The following STARD9 variants were observed in gnomAD, a reference collection of about 807,000 sequenced individuals.
STARD9 encodes the protein stAR-related lipid transfer protein 9.
In STARD9, 346 loss-of-function variants were observed where a neutral mutation model predicts 399.8. That is an observed-to-expected ratio of 0.87 (90% CI 0.79 to 0.95). The LOEUF (loss-of-function observed/expected upper bound fraction) is 0.95, where lower values mean the gene tolerates loss of function less well. Among genes scored for constraint, STARD9 ranks in the 40% least tolerant of loss-of-function variants. The pLI is 0.00. For synonymous variants in STARD9, 2,203 were observed against 2,143.5 expected, an observed-to-expected ratio of 1.03 and a Z score of -0.77; for missense variants, 5,832 against 5,667.5, an observed-to-expected ratio of 1.03 and a Z score of -0.93.
At chr15:42,662,432 C>G (rs972540390) in intron 10 of STARD9, among the ~76,000 whole-genome samples, 2 of 152,060 alleles carry the variant, frequency 1.3e-5, no homozygotes, top group Non-Finnish European at 2.9e-5. Flanking sequence ...TGTCAGCTAA[C>G]GGCACAAATA....
chr15:42,578,106 A>ATTTTTTTTTTTTTTTT (rs57016102), intron 1 of STARD9, among the ~76,000 whole-genome samples: 2 of 134,126 alleles, frequency 1.5e-5, no homozygotes, highest in Non-Finnish European at 1.7e-5. Context: ...TTGACGCTCA[A>ATTTTTTTTTTTTTTTT]TTTTTTTTTT....
chr15:42,674,461 A>G lies in STARD9; in HGVS notation c.1519A>G (p.Arg507Gly). 2.0e-6 allele frequency: 3 copies of G among 1,537,180 alleles called. No homozygotes were observed. Among genetic ancestry groups the G allele is most frequent in the Non-Finnish European group, 2.6e-6 (3 of 1,146,830 alleles). The change falls in exon 17 of 33, where the codon AGG becomes GGG. Residue 507 changes from arginine to glycine, a missense_variant. Coordinates refer to ENST00000290607, the MANE Select transcript of STARD9 (RefSeq NM_020759.3). Reference sequence around the variant, plus strand: ...TTAGGAAGGGACAACAAAAATAGGAAGGATTGACTCAGACCAGGAACAGGA... The same window carrying G: ...TTAGGAAGGGACAACAAAAATAGGAGGGATTGACTCAGACCAGGAACAGGA... ...HLKEGTTKIGRIDSDQEQDIV... is the reference protein window; with the variant it reads ...HLKEGTTKIGGIDSDQEQDIV...
chr15:42,714,287 C>T lies in STARD9; in HGVS notation c.13285-2390C>T, dbSNP rs142987541. ...TTCACCATGTTAGCCAGGATGGTCT[C>T]GATCTCCTGACCTCGTGATCCACCC... On this transcript the variant is annotated intron_variant, in intron 26 of 32. Coordinates refer to ENST00000290607, the MANE Select transcript of STARD9 (RefSeq NM_020759.3). Among the ~76,000 whole-genome samples the T allele has an allele frequency of 3.3e-3, 500 of 152,002 alleles. 15 individuals are homozygous for T. In the East Asian group the frequency reaches 0.076, roughly 23 times the overall value.
chr15:42,712,111 A>ATATT (rs55808206), intron 26 of STARD9, among the ~76,000 whole-genome samples: 1 of 3,180 alleles, frequency 3.1e-4, no homozygotes, highest in African/African-American at 1.9e-3. Flanking sequence ...TATAATATAT[A>ATATT]ATATATAATA....
chr15:42,661,796 G>C (rs1293139628), intron 10 of STARD9, among the ~76,000 whole-genome samples: 1 of 151,978 alleles, frequency 6.6e-6, no homozygotes, highest in Non-Finnish European at 1.5e-5. Flanking sequence ...CTACATCTCA[G>C]ATCAATCAGA....
Position 42,695,196 on chromosome 15 carries a change from T to C in STARD9, c.13019T>C (p.Leu4340Pro). The C allele has an allele frequency of 2.0e-6, 3 of 1,537,178 alleles. No individual in the cohort carries two copies. Among genetic ancestry groups the C allele is most frequent in the Non-Finnish European group, 1.7e-6 (2 of 1,146,878 alleles). The change falls in exon 25 of 33, where the codon CTG (leucine) becomes CCG (proline). Residue 4340 changes from leucine to proline, a missense_variant. Physicochemically the swap from Leu to Pro is moderately conservative, Grantham distance 98 (BLOSUM62 -3). Transcript: ENST00000290607. ...ACACCCTCTGACATAGAGTTGATGCTGCAAGACTACCAGCAGGCCCATGAG... is the reference window on the plus strand; with the variant it reads ...ACACCCTCTGACATAGAGTTGATGCCGCAAGACTACCAGCAGGCCCATGAG... ...AHTPSDIELM[L>P]QDYQQAHEEA... is the part of the protein sequence containing the mutation.
chr15:42,619,599 C>T (rs948441409), intron 3 of STARD9, among the ~76,000 whole-genome samples: 11 of 151,908 alleles, frequency 7.2e-5, no homozygotes, highest in Non-Finnish European at 1.0e-4. Context: ...CTAGAACCCT[C>T]GCAGGCACCT....
At chr15:42,634,623 G>C (rs757782464) in intron 3 of STARD9, among the ~76,000 whole-genome samples, 3 of 152,122 alleles carry the variant, frequency 2.0e-5, no homozygotes, top group Non-Finnish European at 4.4e-5. Flanking sequence ...CTTATCTTCA[G>C]AGTCTAGTAT....
intron 7 of STARD9, among the ~76,000 whole-genome samples, chr15:42,639,798 A>C (rs1474308127): frequency 6.6e-6 from 1 of 151,752 alleles, no homozygotes; most frequent in Non-Finnish European, 1.5e-5. Flanking sequence ...TGGGAGGCAG[A>C]GGTTGCAATG....
At chr15:42,713,339 A>C (rs2061285912) in intron 26 of STARD9, among the ~76,000 whole-genome samples, 1 of 152,154 alleles carries the variant, frequency 6.6e-6, no homozygotes, top group Non-Finnish European at 1.5e-5. Context: ...TTTAAAATAG[A>C]TTCCTTAAGA....
chr15:42,713,028 T>A (rs2061278511), intron 26 of STARD9, among the ~76,000 whole-genome samples: 1 of 152,202 alleles, frequency 6.6e-6, no homozygotes, highest in Non-Finnish European at 1.5e-5. Flanking sequence ...GATGGGTAGA[T>A]CAATTGGGGG....
At chr15:42,632,916 G>C (rs770792076) in intron 3 of STARD9, among the ~76,000 whole-genome samples, 1 of 152,144 alleles carries the variant, frequency 6.6e-6, no homozygotes, top group African/African-American at 2.4e-5. Flanking sequence ...GCTGAAGTAC[G>C]TGGATCACTT....
intron 3 of STARD9, among the ~76,000 whole-genome samples, 169 bp downstream of exon 3, chr15:42,585,806 AAAG>A (rs1177595174): frequency 6.6e-6 from 1 of 152,254 alleles, no homozygotes; most frequent in Non-Finnish European, 1.5e-5. Flanking sequence ...AGATTTTCAA[AAAG>A]AAGAAACTTC....
intron 3 of STARD9, among the ~76,000 whole-genome samples, chr15:42,624,245 A>G (rs1458333813): frequency 6.6e-6 from 1 of 152,172 alleles, no homozygotes; most frequent in African/African-American, 2.4e-5. Flanking sequence ...TGCTATATAC[A>G]TTGGGAAATT....
intron 3 of STARD9, among the ~76,000 whole-genome samples, chr15:42,608,490 C>T (rs1246662229): frequency 6.6e-6 from 1 of 152,164 alleles, no homozygotes; most frequent in Non-Finnish European, 1.5e-5. Flanking sequence ...TCTAGAGACC[C>T]ATTTAGACTA....
In STARD9 at chr15:42,681,483, C is replaced by T. The variant is rs2060426511; in HGVS notation, c.1936C>T (p.His646Tyr). 1.3e-6 allele frequency: 2 copies of T among 1,537,050 alleles called. No individual in the cohort carries two copies. The highest frequency in any genetic ancestry group is 2.4e-5 in the East Asian group (1 of 40,922). Reference protein sequence around the residue: ...HQTPRDGETSHRAQIQQQQSY... With the variant: ...HQTPRDGETSYRAQIQQQQSY... The stretch of plus-strand genomic sequence containing the variant: ...GACACCGAGGGATGGAGAGACATCC[C>T]ACAGGGCCCAGATTCAGCAGCAGCA... Residue 646 changes from histidine to tyrosine, a missense_variant, in exon 21 of 33, where the codon CAC becomes TAC. Physicochemically the swap from His to Tyr is moderately conservative, Grantham distance 83. Transcript: ENST00000290607.
At chr15:42,579,032 A>G (rs575357030) in intron 1 of STARD9, among the ~76,000 whole-genome samples, 17 of 152,294 alleles carry the variant, frequency 1.1e-4, no homozygotes, top group African/African-American at 3.8e-4. Flanking sequence ...CCAACCAGAA[A>G]TTCCCAGGAC....
intron 3 of STARD9, among the ~76,000 whole-genome samples, chr15:42,612,903 GA>G (rs1475816902): frequency 1.3e-5 from 2 of 149,594 alleles, no homozygotes; most frequent in Non-Finnish European, 3.0e-5. Flanking sequence ...AGAATTGCTT[GA>G]ACCTGGGAGG....
chr15:42,663,935 G>C lies in STARD9; in HGVS notation c.1176+18G>C. 1 of 1,460,828 alleles carries C rather than the reference G, an allele frequency of 6.8e-7. No individual in the cohort carries two copies. Among genetic ancestry groups the C allele is most frequent in the Non-Finnish European group, 9.3e-7 (1 of 1,077,418 alleles). 90.5% of individuals were successfully genotyped at this position (1,460,828 alleles called of 1,614,324 possible). A position where few individuals can be genotyped will look rare whatever the true frequency, so the allele number is the denominator to read the frequency against. ...TAAATGAGGTGAGACCTTTTCAGAA[G>C]TCCTGGTCTGGTATAGTTTACACAA... On this transcript the variant is annotated intron_variant, in intron 13 of 32. Coordinates refer to ENST00000290607, the MANE Select transcript of STARD9 (RefSeq NM_020759.3).
Sources: allele counts gnomAD v4.1 joint callset (sites outside exome capture counted in the v4.1 genomes callset), GRCh38; gene constraint gnomAD v4.1.1; transcripts MANE v1.5; gene names NCBI Gene and HGNC (gene_info 2026-07-23, HGNC 2026-07-21).